FAM3B: variants seen among roughly 807,000 people sequenced by gnomAD.
The protein encoded by FAM3B is FAM3 metabolism regulating signaling molecule B.
A neutral mutation model predicts 28.4 loss-of-function variants in FAM3B; 29 were observed. The ratio of observed to expected loss-of-function variants is 1.02; its 90% confidence interval spans 0.76 to 1.39. The LOEUF is 1.39. Among genes scored for constraint, FAM3B ranks in the 40% most tolerant of loss-of-function variants. The pLI, the probability that FAM3B is intolerant of heterozygous loss-of-function variation, is 0.00. For missense variants in FAM3B, 266 were observed against 293.9 expected, an observed-to-expected ratio of 0.91 and a Z score of 0.69; for synonymous variants, 91 against 103.0, an observed-to-expected ratio of 0.88 and a Z score of 0.71.
intron 2 of FAM3B, among the ~76,000 whole-genome samples, chr21:41,327,062 G>A (rs1436128079): frequency 7.9e-5 from 12 of 152,218 alleles, no homozygotes; most frequent in Non-Finnish European, 1.3e-4. Context: ...AGGAAGGCCC[G>A]GGTGCCCTGT....
In FAM3B at chr21:41,357,182, C is replaced by G. The variant is rs953232725; in HGVS notation, c.693C>G (p.Pro231=). The change falls in exon 8 of 8, where the codon CCC becomes CCG. Residue 231 remains proline, a synonymous_variant. Transcript: ENST00000357985. ...PAEIQIEGCI[P]KERS is the part of the protein sequence containing the mutation. Reference sequence around the variant, plus strand: ...AGATCCAGATAGAAGGCTGCATACCCAAAGAACGAAGCTGACACTGCAGGG... The same window carrying G: ...AGATCCAGATAGAAGGCTGCATACCGAAAGAACGAAGCTGACACTGCAGGG... 1 of 1,612,546 alleles carries G rather than the reference C, an allele frequency of 6.2e-7. No homozygotes were observed. The highest frequency in any genetic ancestry group is 1.6e-4 in the Middle Eastern group (1 of 6,062).
upstream of FAM3B, chr21:41,316,739 C>T: frequency 1.3e-6 from 1 of 767,830 alleles, no homozygotes; most frequent in Non-Finnish European, 1.8e-6. Context: ...TGCCATTTGC[C>T]CGACTGGCCG....
intron 2 of FAM3B, among the ~76,000 whole-genome samples, chr21:41,325,122 A>G (rs1437988733): frequency 6.6e-6 from 1 of 152,132 alleles, no homozygotes; most frequent in Non-Finnish European, 1.5e-5. Flanking sequence ...AAAGAAAACA[A>G]AACAAAAAAC....
chr21:41,344,173 G>A (rs1011268148), intron 3 of FAM3B, among the ~76,000 whole-genome samples: 3 of 152,234 alleles, frequency 2.0e-5, no homozygotes, highest in African/African-American at 7.2e-5. Flanking sequence ...AAGAGCCTGA[G>A]CTAAATAAAT....
At chr21:41,308,322 G>C (rs1288335227) in intron 1 of FAM3B, among the ~76,000 whole-genome samples, 1 of 151,786 alleles carries the variant, frequency 6.6e-6, no homozygotes, top group Admixed American at 6.6e-5. Context: ...AAGAAGCCAG[G>C]CTCAGAGAGG....
intron 2 of FAM3B, among the ~76,000 whole-genome samples, chr21:41,336,642 C>T (rs1212619607): frequency 6.6e-6 from 1 of 152,138 alleles, no homozygotes; most frequent in African/African-American, 2.4e-5. Context: ...AAATTTTCTG[C>T]CTCGCTTACC....
chr21:41,315,233 G>A (rs990308599), upstream of FAM3B, among the ~76,000 whole-genome samples: 2 of 152,124 alleles, frequency 1.3e-5, no homozygotes, highest in African/African-American at 4.8e-5. Flanking sequence ...TATCTAGAGT[G>A]CTCAACTTCA....
intron 5 of FAM3B, among the ~76,000 whole-genome samples, chr21:41,346,739 G>A (rs1388266560): frequency 1.3e-5 from 2 of 151,774 alleles, no homozygotes; most frequent in African/African-American, 4.8e-5. Context: ...TCCTTATCTT[G>A]ACCCCCTTTC....
At chr21:41,346,299 A>ACG (rs2089059191) in intron 5 of FAM3B, 1 of 153,250 alleles carries the variant, frequency 6.5e-6, no homozygotes, top group Non-Finnish European at 1.5e-5. Flanking sequence ...AAGTTTTTAT[A>ACG]AAGATAGTGA....
intron 2 of FAM3B, among the ~76,000 whole-genome samples, chr21:41,329,584 T>TG (rs2088886528): frequency 6.6e-6 from 1 of 151,972 alleles, no homozygotes; most frequent in Non-Finnish European, 1.5e-5. Context: ...TTTTTTTTTT[T>TG]TTTGAGATGA....
chr21:41,321,923 A>C (rs1380863770), intron 1 of FAM3B, among the ~76,000 whole-genome samples: 1 of 150,654 alleles, frequency 6.6e-6, no homozygotes, highest in African/African-American at 2.4e-5. Context: ...TCCTTTCCTC[A>C]TTTCCCCTTC....
At chr21:41,316,128 G>T (rs1435676769), upstream of FAM3B, among the ~76,000 whole-genome samples, 1 of 152,174 alleles carries the variant, frequency 6.6e-6, no homozygotes, top group Non-Finnish European at 1.5e-5. Context: ...GGGGAGAGAG[G>T]AGCTATTCCT....
rs141359085 is a variant in FAM3B at position 41,338,387 on chromosome 21, C to T, written c.173C>T (p.Pro58Leu). The T allele has an allele frequency of 8.1e-6, 13 of 1,614,028 alleles. No individual in the cohort carries two copies. In the African/African-American group the frequency reaches 1.6e-4, roughly 20 times the overall value. The change falls in exon 3 of 8, where the codon CCC (proline) becomes CTC (leucine). Residue 58 changes from proline (P) to leucine (L), a missense_variant. Pro to Leu is a moderately conservative substitution (Grantham distance 98). Coordinates refer to ENST00000357985, the MANE Select transcript of FAM3B (RefSeq NM_058186.4). ...TTCTTATTCATTACAGCTCCAGTCCCCAAAAGGCAAAAATGTGACCACTGG... is the reference window on the plus strand; with the variant it reads ...TTCTTATTCATTACAGCTCCAGTCCTCAAAAGGCAAAAATGTGACCACTGG... ...GERPVLKAPV[P>L]KRQKCDHWTP...
In FAM3B at chr21:41,345,698, A is replaced by G. The variant is rs2089050755; in HGVS notation, c.359A>G (p.Asn120Ser). The G allele has an allele frequency of 1.3e-6, 2 of 1,543,818 alleles. No individual in the cohort carries two copies. The highest frequency in any genetic ancestry group is 1.4e-5 in the African/African-American group (1 of 70,592). ...NIAIVNYVTGNVTATRCFDMY... is the reference protein window; with the variant it reads ...NIAIVNYVTGSVTATRCFDMY... ...CTTTTATTTTCAGATGTAACTGGGA[A>G]TGTGACAGCAACACGATGTTTTGAT... The change falls in exon 5 of 8, where the codon AAT becomes AGT. Residue 120 changes from asparagine (N) to serine (S), a missense_variant. Coordinates refer to ENST00000357985, the MANE Select transcript of FAM3B (RefSeq NM_058186.4).
At chr21:41,315,211 G>C (rs921156130), upstream of FAM3B, among the ~76,000 whole-genome samples, 1 of 152,114 alleles carries the variant, frequency 6.6e-6, no homozygotes, top group Admixed American at 6.6e-5. Context: ...GTATGATTGC[G>C]CTTATATGAA....
At chr21:41,322,864 C>T (rs2088819615) in intron 1 of FAM3B, 59 bp from the exon 2 acceptor site, 4 of 1,613,954 alleles carry the variant, frequency 2.5e-6, no homozygotes, top group Non-Finnish European at 3.4e-6. Flanking sequence ...ATGGGGAGGG[C>T]CAAGGGCCAG....
chr21:41,349,842 G>A (rs1248527169), intron 7 of FAM3B, among the ~76,000 whole-genome samples: 1 of 152,216 alleles, frequency 6.6e-6, no homozygotes, highest in East Asian at 1.9e-4. Flanking sequence ...ACACAAGCAT[G>A]CTTTCCCCTT....
At chr21:41,316,222 C>T (rs1339536439), upstream of FAM3B, among the ~76,000 whole-genome samples, 4 of 152,218 alleles carry the variant, frequency 2.6e-5, no homozygotes. Flanking sequence ...AAAGGAGGAC[C>T]TGCAGACCCA....
intron 1 of FAM3B, among the ~76,000 whole-genome samples, chr21:41,317,494 C>G (rs1224733942): frequency 6.6e-6 from 1 of 152,200 alleles, no homozygotes; most frequent in Non-Finnish European, 1.5e-5. Flanking sequence ...TTAGCTGCGC[C>G]TCTGTCCTCT....
Sources: gnomAD v4.1 joint callset for allele counts (sites outside exome capture counted in the v4.1 genomes callset) on GRCh38, gnomAD v4.1.1 for gene constraint, MANE v1.5 for transcripts, NCBI Gene and HGNC (gene_info 2026-07-23, HGNC 2026-07-21) for gene names.